Variants in CNTNAP2 observed in about 807,000 individuals in gnomAD.
CNTNAP2 encodes contactin-associated protein-like 2.
In CNTNAP2, 98 loss-of-function variants were observed where a neutral mutation model predicts 155.2. That is an observed-to-expected ratio of 0.63 (90% CI 0.54 to 0.75). The LOEUF (loss-of-function observed/expected upper bound fraction) is 0.75. CNTNAP2 is among the 30% of genes least tolerant of loss of function. The pLI is 0.00. For missense variants in CNTNAP2, 1,727 were observed against 1,688.1 expected (o/e 1.02, Z -0.40); for synonymous variants, 651 against 631.2 (o/e 1.03, Z -0.47).
chr7:148,318,589 G>A (rs531436370), intron 21 of CNTNAP2, among the ~76,000 whole-genome samples: 1 of 152,262 alleles, frequency 6.6e-6, no homozygotes, highest in South Asian at 2.1e-4. Flanking sequence ...CTTGGAACCT[G>A]GATAGTCCCA....
chr7:148,192,569 T>C (rs1243387096), intron 18 of CNTNAP2, among the ~76,000 whole-genome samples: 1 of 148,772 alleles, frequency 6.7e-6, no homozygotes, highest in African/African-American at 2.5e-5. Flanking sequence ...CTCCATGCAG[T>C]GAGCCGAGAT....
intron 1 of CNTNAP2, among the ~76,000 whole-genome samples, chr7:146,163,233 A>C (rs1035207493): frequency 1.3e-5 from 2 of 151,896 alleles, no homozygotes; most frequent in Admixed American, 6.6e-5. Context: ...TTCTAGTATA[A>C]AATTTTCTTT....
chr7:146,482,569 C>A (rs1224948898), intron 1 of CNTNAP2, among the ~76,000 whole-genome samples: 11 of 151,670 alleles, frequency 7.3e-5, no homozygotes, highest in Admixed American at 6.6e-4. Flanking sequence ...ATGGTGAAAC[C>A]CCATCTCTAC....
chr7:147,802,105 G>C (rs1421567016), intron 13 of CNTNAP2, among the ~76,000 whole-genome samples: 1 of 146,874 alleles, frequency 6.8e-6, no homozygotes. Flanking sequence ...CAGACGGGGC[G>C]GCCGGGCAGA....
At chr7:146,712,875 AT>A (rs528368860) in intron 1 of CNTNAP2, among the ~76,000 whole-genome samples, 9 of 149,948 alleles carry the variant, frequency 6.0e-5, no homozygotes, top group African/African-American at 1.2e-4. Context: ...TCTGCTTGGG[AT>A]TTTTTTTTGC....
intron 10 of CNTNAP2, among the ~76,000 whole-genome samples, chr7:147,441,976 A>T (rs928779901): frequency 2.6e-5 from 4 of 151,374 alleles, no homozygotes; most frequent in Non-Finnish European, 4.4e-5. Flanking sequence ...CCAGCACAGC[A>T]CTGGGTCCTA....
intron 20 of CNTNAP2, among the ~76,000 whole-genome samples, chr7:148,240,360 G>T (rs1403760443): frequency 6.6e-6 from 1 of 152,142 alleles, no homozygotes; most frequent in Non-Finnish European, 1.5e-5. Flanking sequence ...TTCTCCTCTA[G>T]AAGACAGTTT....
At chr7:148,022,061 G>T (rs1342588041) in intron 15 of CNTNAP2, among the ~76,000 whole-genome samples, 1 of 152,078 alleles carries the variant, frequency 6.6e-6, no homozygotes, top group African/African-American at 2.4e-5. Context: ...CTCTTTCTAG[G>T]CCTGCAGCCT....
chr7:147,743,753 C>G (rs1310762536), intron 13 of CNTNAP2, among the ~76,000 whole-genome samples: 5 of 152,004 alleles, frequency 3.3e-5, no homozygotes, highest in Admixed American at 3.3e-4. Flanking sequence ...AACGTCAGTC[C>G]TCTCTTCCAC....
At chr7:147,460,165 C>T (rs1205734302) in intron 10 of CNTNAP2, among the ~76,000 whole-genome samples, 2 of 152,002 alleles carry the variant, frequency 1.3e-5, no homozygotes, top group African/African-American at 4.8e-5. Context: ...AATAGGTCTG[C>T]GGTGCTGCTC....
intron 15 of CNTNAP2, among the ~76,000 whole-genome samples, chr7:148,113,127 A>G (rs1161143501): frequency 1.3e-5 from 2 of 152,200 alleles, no homozygotes; most frequent in African/African-American, 4.8e-5. Flanking sequence ...ACTGCTGTAA[A>G]AAAATACCTG....
intron 15 of CNTNAP2, among the ~76,000 whole-genome samples, chr7:148,036,775 G>A (rs918369419): frequency 7.9e-5 from 12 of 151,902 alleles, no homozygotes; most frequent in Non-Finnish European, 1.8e-4. Context: ...CTAATTTCTA[G>A]TCCCATGTGA....
intron 1 of CNTNAP2, among the ~76,000 whole-genome samples, chr7:146,531,069 C>A (rs559968719): frequency 2.4e-4 from 37 of 152,228 alleles, no homozygotes; most frequent in African/African-American, 8.7e-4. Context: ...TGATCATGTC[C>A]TTTGGAGCAA....
Position 146,326,610 on chromosome 7 carries a change from A to G in CNTNAP2, c.97+209637A>G, listed in dbSNP as rs569592627. Among the ~76,000 whole-genome samples the G allele has an allele frequency of 1.9e-3, 293 of 152,318 alleles. 2 individuals carry two copies. Among genetic ancestry groups the G allele is most frequent in the African/African-American group, 6.5e-3 (271 of 41,580 alleles). On this transcript the variant is annotated intron_variant, in intron 1 of 23. Coordinates refer to ENST00000361727, the MANE Select transcript of CNTNAP2 (RefSeq NM_014141.6). Reference sequence around the variant, plus strand: ...ACAATTTTGTGTATGTTGATGACACACCACAGCCGCAGGAAGCTATTAAAG... The same window carrying G: ...ACAATTTTGTGTATGTTGATGACACGCCACAGCCGCAGGAAGCTATTAAAG...
chr7:148,064,825 T>G (rs1803224259), intron 15 of CNTNAP2, among the ~76,000 whole-genome samples: 2 of 152,152 alleles, frequency 1.3e-5, no homozygotes, highest in African/African-American at 4.8e-5. Flanking sequence ...TCTTTTCTTC[T>G]GCTGGGTTTG....
chr7:147,287,782 C>T (rs547281303), intron 8 of CNTNAP2, among the ~76,000 whole-genome samples: 2 of 152,216 alleles, frequency 1.3e-5, no homozygotes, highest in East Asian at 3.9e-4. Flanking sequence ...AATTTCCACT[C>T]AGTTGCTTAA....
At chr7:148,157,686 C>T (rs1181663536) in intron 17 of CNTNAP2, among the ~76,000 whole-genome samples, 7 of 151,986 alleles carry the variant, frequency 4.6e-5, no homozygotes, top group Admixed American at 4.6e-4. Flanking sequence ...TGGGGTCTTG[C>T]CTGTTTGGCG....
chr7:146,347,418 C>CAG (rs1301836146), intron 1 of CNTNAP2, among the ~76,000 whole-genome samples: 3 of 152,112 alleles, frequency 2.0e-5, no homozygotes, highest in Non-Finnish European at 4.4e-5. Context: ...TTGAAGGGCC[C>CAG]AGAGAAGTCA....
chr7:146,306,073 C>G (rs969906351), intron 1 of CNTNAP2, among the ~76,000 whole-genome samples: 16 of 152,044 alleles, frequency 1.1e-4, no homozygotes, highest in Non-Finnish European at 2.2e-4. Context: ...ATATCACCAC[C>G]AATCCCACAG....
Sources: gnomAD v4.1 joint callset for allele counts (sites outside exome capture counted in the v4.1 genomes callset) on GRCh38, gnomAD v4.1.1 for gene constraint, MANE v1.5 for transcripts, NCBI Gene and HGNC (gene_info 2026-07-23, HGNC 2026-07-21) for gene names.